ANKFY1: variants seen among roughly 807,000 people sequenced by gnomAD.
ANKFY1 encodes ankyrin repeat and FYVE domain containing 1, also known as ankyrin repeat and FYVE domain-containing protein 1.
A neutral mutation model predicts 128.3 loss-of-function variants in ANKFY1; 47 were observed. The ratio of observed to expected loss-of-function variants is 0.37; its 90% CI spans 0.29 to 0.47. ANKFY1 has a LOEUF of 0.47. Among genes scored for constraint, ANKFY1 ranks in the 20% least tolerant of loss-of-function variants. The pLI is 1.00. For missense variants in ANKFY1, 1,222 were observed against 1,510.6 expected (o/e 0.81, Z 3.17); for synonymous variants, 553 against 601.6 (o/e 0.92, Z 1.18).
At position 4,165,118 on chromosome 17, in the gene ANKFY1, A is replaced by G. The variant is rs2059188790; in HGVS notation, c.*2661T>C. The G allele has an allele frequency of 6.6e-6, 1 of 152,258 alleles. No individual in the cohort carries two copies. Among genetic ancestry groups the G allele is most frequent in the Admixed American group, 6.5e-5 (1 of 15,284 alleles). 9.4% of individuals were successfully genotyped at this position (152,258 alleles called of 1,614,324 possible). On this transcript the variant is annotated 3_prime_UTR_variant, in exon 25 of 25. Coordinates refer to ENST00000341657, the MANE Select transcript of ANKFY1 (RefSeq NM_001330063.2). ...GGAAATTTCGGTGTTAGAGGATCATAGCAAATTAGTTTAAGCCATTCGATT... is the reference window on the plus strand; with the variant it reads ...GGAAATTTCGGTGTTAGAGGATCATGGCAAATTAGTTTAAGCCATTCGATT...
Position 4,182,193 on chromosome 17 carries a change from G to A in ANKFY1, c.2109C>T (p.Ile703=), listed in dbSNP as rs900896156. Reference sequence around the variant, plus strand: ...GTGCCTGTCTCACCAGAGTGGATGCGATGTCCTCCAGATTGTTTGCCAATG... The same window carrying A: ...GTGCCTGTCTCACCAGAGTGGATGCAATGTCCTCCAGATTGTTTGCCAATG... ...WLALANNLED[I]ASTLVRHGCD... The change falls in exon 15 of 25, where the codon ATC becomes ATT. Residue 703 remains isoleucine (I), a synonymous_variant. Transcript: ENST00000341657. 1.3e-6 allele frequency: 2 copies of A among 1,539,030 alleles called. No individual in the cohort carries two copies. Among genetic ancestry groups the A allele is most frequent in the Non-Finnish European group, 8.8e-7 (1 of 1,133,972 alleles).
chr17:4,243,169 C>G (rs1967343873), intron 1 of ANKFY1, among the ~76,000 whole-genome samples: 1 of 152,034 alleles, frequency 6.6e-6, no homozygotes, highest in African/African-American at 2.4e-5. Context: ...TGGGTTCAAG[C>G]GATTCTCCTG....
chr17:4,260,547 G>A (rs1038382595), intron 1 of ANKFY1, among the ~76,000 whole-genome samples: 2 of 149,436 alleles, frequency 1.3e-5, no homozygotes, highest in African/African-American at 4.9e-5. Flanking sequence ...GAGCCTGGGA[G>A]GTGGAGATTG....
intron 11 of ANKFY1, 107 bp from the exon 12 acceptor site, chr17:4,185,153 C>T: frequency 1.1e-6 from 1 of 912,446 alleles, no homozygotes; most frequent in Non-Finnish European, 1.7e-6. Flanking sequence ...ATCCTGCCGC[C>T]AGCTGCCCCT....
At chr17:4,179,668 C>T in intron 17 of ANKFY1, 53 bp downstream of exon 17, 5 of 1,595,328 alleles carry the variant, frequency 3.1e-6, no homozygotes, top group East Asian at 2.2e-5. Flanking sequence ...TAGGAGGAGG[C>T]TTCCCTCATG....
At chr17:4,183,678 TCAAA>T in intron 13 of ANKFY1, 127 bp from the exon 14 acceptor site, 2 of 1,417,974 alleles carry the variant, frequency 1.4e-6, no homozygotes, top group African/African-American at 1.4e-5. Context: ...CAGGCTTAAC[TCAAA>T]CAGAAATGTT....
chr17:4,227,287 T>A (rs1310401020), intron 3 of ANKFY1, among the ~76,000 whole-genome samples: 1 of 152,150 alleles, frequency 6.6e-6, no homozygotes, highest in Non-Finnish European at 1.5e-5. Context: ...TCCCTCATGA[T>A]TACTGTTGTA....
At chr17:4,235,350 A>AAG (rs1360275492) in intron 3 of ANKFY1, among the ~76,000 whole-genome samples, 2 of 151,410 alleles carry the variant, frequency 1.3e-5, no homozygotes, top group South Asian at 2.1e-4. Context: ...CAAAAAAAAA[A>AAG]AAAAAGAAAA....
At chr17:4,206,118 C>T (rs909544768) in intron 7 of ANKFY1, among the ~76,000 whole-genome samples, 7 of 152,180 alleles carry the variant, frequency 4.6e-5, no homozygotes, top group Admixed American at 3.3e-4. Flanking sequence ...CCTGTTGGCA[C>T]GGTGAATGGC....
In ANKFY1 at chr17:4,179,800, G is replaced by C; in HGVS notation, c.2318C>G (p.Pro773Arg). 1.2e-6 allele frequency: 2 copies of C among 1,614,214 alleles called. No individual in the cohort carries two copies. Among genetic ancestry groups the C allele is most frequent in the Non-Finnish European group, 1.7e-6 (2 of 1,180,038 alleles). ...CCCCCAAGAGGCTGCCAAATGCAAA[G>C]GGGTCTGCCCATCTCTAGCCTCTTC... The part of the protein sequence containing the change: ...GEEEARDGQT[P>R]LHLAASWGLE... Residue 773 changes from proline to arginine, a missense_variant, in exon 17 of 25, where the codon CCT becomes CGT. Coordinates refer to ENST00000341657, the MANE Select transcript of ANKFY1 (RefSeq NM_001330063.2).
At chr17:4,227,389 T>C (rs1277942333) in intron 3 of ANKFY1, among the ~76,000 whole-genome samples, 1 of 152,220 alleles carries the variant, frequency 6.6e-6, no homozygotes, top group African/African-American at 2.4e-5. Flanking sequence ...ACAGCAGGAA[T>C]GCAATCTTAG....
chr17:4,215,953 T>C (rs962268777), intron 4 of ANKFY1, among the ~76,000 whole-genome samples: 1 of 152,228 alleles, frequency 6.6e-6, no homozygotes, highest in Non-Finnish European at 1.5e-5. Flanking sequence ...AACAGTTAAC[T>C]GAATGTCCTC....
intron 7 of ANKFY1, among the ~76,000 whole-genome samples, chr17:4,201,463 G>C (rs1000620221): frequency 7.0e-6 from 1 of 143,862 alleles, no homozygotes. Context: ...TCAGATGCTA[G>C]ATTGGCCTGT....
At chr17:4,191,645 C>T (rs1221824770) in intron 10 of ANKFY1, among the ~76,000 whole-genome samples, 3 of 117,646 alleles carry the variant, frequency 2.6e-5, no homozygotes, top group East Asian at 2.9e-4. Flanking sequence ...CTGGAGACTC[C>T]TAGTTGATGG....
intron 1 of ANKFY1, 42 bp downstream of exon 1, chr17:4,263,890 C>A (rs1257280177): frequency 1.2e-6 from 2 of 1,613,614 alleles, no homozygotes; most frequent in South Asian, 2.2e-5. Context: ...AGCGCCCCCA[C>A]AGCTCCGTGT....
At chr17:4,168,384 T>C (rs1020179831) in intron 24 of ANKFY1, among the ~76,000 whole-genome samples, 1 of 152,180 alleles carries the variant, frequency 6.6e-6, no homozygotes, top group Non-Finnish European at 1.5e-5. Context: ...ACCCGCGAAG[T>C]GGAGATTGCA....
At chr17:4,200,242 T>C (rs1475363491) in intron 7 of ANKFY1, among the ~76,000 whole-genome samples, 1 of 152,072 alleles carries the variant, frequency 6.6e-6, no homozygotes, top group East Asian at 1.9e-4. Flanking sequence ...TTTTGTGTTT[T>C]TGGTAGAGGT....
At position 4,167,792 on chromosome 17, in the gene ANKFY1, C is replaced by T. The variant is rs1421297094; in HGVS notation, c.3497G>A (p.Gly1166Asp). The T allele has an allele frequency of 5.6e-6, 9 of 1,613,344 alleles. No individual in the cohort carries two copies. Among genetic ancestry groups the T allele is most frequent in the Non-Finnish European group, 6.8e-6 (8 of 1,179,642 alleles). ...CCGGGGGGCTCACTAAGAAACCCCA[C>T]CCAGAGTCAGTACATCAAAACAAAT... ...CNICFDVLTL[G>D]GVS Residue 1166 changes from glycine to aspartate, a missense_variant, in exon 25 of 25, where the codon GGT (glycine) becomes GAT (aspartate). Coordinates refer to ENST00000341657, the MANE Select transcript of ANKFY1 (RefSeq NM_001330063.2). This position sits in a 1 kb window ranked among gnomAD's most constrained non-coding sequence, Gnocchi z 4.1.
At chr17:4,184,451 C>T (rs1233045699) in intron 12 of ANKFY1, among the ~76,000 whole-genome samples, 2 of 152,202 alleles carry the variant, frequency 1.3e-5, no homozygotes, top group African/African-American at 4.8e-5. Context: ...GCCCCTGGCC[C>T]CTCTTTCTGG....
Sources: allele counts gnomAD v4.1 joint callset (sites outside exome capture counted in the v4.1 genomes callset), GRCh38; gene constraint gnomAD v4.1.1; non-coding constraint Gnocchi (gnomAD v3.1); transcripts MANE v1.5; gene names NCBI Gene and HGNC (gene_info 2026-07-23, HGNC 2026-07-21).